The following SERF2 variants were observed in gnomAD, a reference collection of about 807,000 sequenced individuals.
The protein encoded by SERF2 is gastric cancer-related protein VRG107.
SERF2 carries 4 observed loss-of-function variants against 10.7 expected under a neutral mutation model. The ratio of observed to expected loss-of-function variants is 0.37; its 90% confidence interval spans 0.18 to 0.86. The LOEUF is 0.86. Among genes scored for constraint, SERF2 ranks in the 40% least tolerant of loss-of-function variants. SERF2 has a pLI of 0.43. For missense variants in SERF2, 47 were observed against 79.1 expected (o/e 0.59, Z 1.54); for synonymous variants, 26 against 26.0 (o/e 1.00, Z 0.01).
At position 43,794,884 on chromosome 15, in the gene SERF2, G is replaced by T. The variant is rs2087165880; in HGVS notation, c.*1111G>T. ...CTTCCAGTTCATAGTATTGACTTCA[G>T]CCCAAACGGAGATAACTCCCTGTGT... On this transcript the variant is annotated 3_prime_UTR_variant, in exon 3 of 3. Coordinates refer to ENST00000249786, the MANE Select transcript of SERF2 (RefSeq NM_001018108.4). 2 of 793,294 alleles carry T rather than the reference G, an allele frequency of 2.5e-6. No homozygotes were observed. The highest frequency in any genetic ancestry group is 1.7e-5 in the South Asian group (1 of 60,056). The allele number at this position is 793,294 out of a possible 1,614,324, so 49.1% of individuals were successfully genotyped here. A position where few individuals can be genotyped will look rare whatever the true frequency, so the allele number is the denominator to read the frequency against.
intron 1 of SERF2, 169 bp downstream of exon 1, chr15:43,792,552 G>T: frequency 6.7e-7 from 1 of 1,493,466 alleles, no homozygotes; most frequent in Non-Finnish European, 8.9e-7. Context: ...CTTTGCCCAC[G>T]GCTACTTCAC....
upstream of SERF2, chr15:43,791,997 A>G (rs1359381861): frequency 2.8e-6 from 1 of 357,868 alleles, no homozygotes; most frequent in Non-Finnish European, 5.4e-6. Context: ...CAGTACCCCA[A>G]ACTGTCCCCG....
chr15:43,780,367 C>A (rs1021774091), intron 1 of SERF2, among the ~76,000 whole-genome samples: 1 of 152,134 alleles, frequency 6.6e-6, no homozygotes, highest in Admixed American at 6.6e-5. Flanking sequence ...TGGTCTCGAT[C>A]TCCTGACCTC....
chr15:43,784,699 G>T (rs529510383), intron 1 of SERF2, among the ~76,000 whole-genome samples: 1 of 151,664 alleles, frequency 6.6e-6, no homozygotes, highest in Non-Finnish European at 1.5e-5. Flanking sequence ...CTCGTGATCC[G>T]CCTGCCTCAG....
intron 2 of SERF2, among the ~76,000 whole-genome samples, chr15:43,785,704 CTTTTTTTTTTT>C (rs71415810): frequency 8.2e-6 from 1 of 122,676 alleles, no homozygotes; most frequent in Non-Finnish European, 1.7e-5. Flanking sequence ...TTTTCTTTTT[CTTTTTTTTTTT>C]TTTTTTTTGA....
rs772863927 is a variant in SERF2 at position 43,795,542 on chromosome 15, CT to C, written c.*1770del. ...GGCCTCGCAGCCCCACCCCTTTGCCCTGGAGAGAGGAAATGGCTGCTGGGAG... is the reference window on the plus strand; with the variant it reads ...GGCCTCGCAGCCCCACCCCTTTGCCCGGAGAGAGGAAATGGCTGCTGGGAG... On this transcript the variant is annotated 3_prime_UTR_variant, in exon 3 of 3. Transcript: ENST00000249786. 6.2e-7 allele frequency: 1 copy of C among 1,614,148 alleles called. No individual in the cohort carries two copies. Among genetic ancestry groups the C allele is most frequent in the East Asian group, 2.2e-5 (1 of 44,886 alleles).
chr15:43,792,770 C>T, intron 1 of SERF2: 2 of 701,376 alleles, frequency 2.9e-6, no homozygotes, highest in Non-Finnish European at 4.6e-6. Context: ...TTGGGACCTC[C>T]CTTCTCTAGT....
At chr15:43,790,119 G>A (rs1339943043), upstream of SERF2, among the ~76,000 whole-genome samples, 1 of 149,478 alleles carries the variant, frequency 6.7e-6, no homozygotes. Context: ...TCCAACCTGG[G>A]CGACAGAGCA....
chr15:43,777,698 G>A (rs1233377493), intron 1 of SERF2, among the ~76,000 whole-genome samples: 1 of 152,176 alleles, frequency 6.6e-6, no homozygotes, highest in African/African-American at 2.4e-5. Context: ...CCCTGAGGAG[G>A]GCCAGGAGCT....
At chr15:43,782,615 C>T (rs546286654) in intron 1 of SERF2, among the ~76,000 whole-genome samples, 6 of 152,266 alleles carry the variant, frequency 3.9e-5, no homozygotes, top group South Asian at 2.1e-4. Flanking sequence ...TTCTCTAGGT[C>T]GGCTGCAAAG....
Position 43,793,946 on chromosome 15 carries a change from C to A in SERF2, c.*173C>A, listed in dbSNP as rs773514291. 18 of 1,552,512 alleles carry A rather than the reference C, an allele frequency of 1.2e-5. No homozygotes were observed. The African/African-American group carries it at 2.0e-4, about 18-fold the overall frequency. On this transcript the variant is annotated 3_prime_UTR_variant, in exon 3 of 3. Transcript: ENST00000249786. ...GCTTCCTTCCCCTCAGGTAGCCTCT[C>A]TCCCCCTGGGCCACTCCCGGGGGTG...
intron 2 of SERF2, among the ~76,000 whole-genome samples, chr15:43,785,698 C>CTTTT (rs2087000810): frequency 7.5e-6 from 1 of 134,084 alleles, no homozygotes; most frequent in Non-Finnish European, 1.6e-5. Context: ...ACTGAATTTT[C>CTTTT]TTTTTCTTTT....
At chr15:43,784,398 T>C (rs2086988443) in intron 1 of SERF2, among the ~76,000 whole-genome samples, 1 of 152,166 alleles carries the variant, frequency 6.6e-6, no homozygotes. Flanking sequence ...TGTAGAGCTT[T>C]TCTCATTTCT....
chr15:43,795,485 C>T lies in SERF2; in HGVS notation c.*1712C>T, dbSNP rs768321884. 2.5e-6 allele frequency: 4 copies of T among 1,614,184 alleles called. No individual in the cohort carries two copies. The South Asian group carries it at 3.3e-5, about 13-fold the overall frequency. On this transcript the variant is annotated 3_prime_UTR_variant, in exon 3 of 3. Transcript: ENST00000249786. ...TTGTAGGAAAGATGCTGGACTTGGA[C>T]TGGAGGAGCTGGAGGGGTTTCTTGG...
Position 43,792,414 on chromosome 15 carries a change from T to C in SERF2, c.7+31T>C, listed in dbSNP as rs1555457876. ...CACCGAGCCCCCTTCTCCTTGCCCT[T>C]TTCTTTCCGTTCACCCTAAACACCA... On this transcript the variant is annotated intron_variant, in intron 1 of 2. Coordinates refer to ENST00000249786, the MANE Select transcript of SERF2 (RefSeq NM_001018108.4). The C allele has an allele frequency of 1.1e-4, 172 of 1,613,724 alleles. 1 individual carries two copies. In the South Asian group the frequency reaches 1.8e-3, roughly 17 times the overall value.
At position 43,794,778 on chromosome 15, in the gene SERF2, C is replaced by G. The variant is rs567095907; in HGVS notation, c.*1005C>G. 5 of 515,420 alleles carry G rather than the reference C, an allele frequency of 9.7e-6. No individual in the cohort carries two copies. The East Asian group carries it at 1.2e-4, about 13-fold the overall frequency. 31.9% of individuals were successfully genotyped at this position (515,420 alleles called of 1,614,324 possible). A position where few individuals can be genotyped will look rare whatever the true frequency, so the allele number is the denominator to read the frequency against. On this transcript the variant is annotated 3_prime_UTR_variant, in exon 3 of 3. Transcript: ENST00000249786. ...GAGCTGCTGATTTGGGTGTTAGGCT[C>G]TTGAGCTGGGATGCAGATGTAACAG...
chr15:43,785,605 C>CTATTGTATAGTTTAT (rs2087000209), intron 2 of SERF2: 2 of 151,950 alleles, frequency 1.3e-5, no homozygotes, highest in Admixed American at 1.3e-4. Context: ...GTTCAATACC[C>CTATTGTATAGTTTAT]TCTCTCAAAG....
In SERF2 at chr15:43,795,725, CAGTG is replaced by C. The variant is rs752634344; in HGVS notation, c.*1955_*1958del. 1.1e-5 allele frequency: 17 copies of C among 1,613,984 alleles called. No homozygotes were observed. Among genetic ancestry groups the C allele is most frequent in the Admixed American group, 1.7e-5 (1 of 59,990 alleles). On this transcript the variant is annotated 3_prime_UTR_variant, in exon 3 of 3. Transcript: ENST00000249786. The stretch of plus-strand genomic sequence containing the variant: ...CCACTGTTTCAGGGCAGCAGAAACA[CAGTG>C]AGGGCTTCTGCAAAACAGAACGCAG...
intron 2 of SERF2, among the ~76,000 whole-genome samples, chr15:43,786,211 C>T (rs369697166): frequency 3.3e-5 from 5 of 151,110 alleles, no homozygotes; most frequent in African/African-American, 9.7e-5. Flanking sequence ...GTCAGGAGGT[C>T]GAGACCATCC....
Sources: allele counts gnomAD v4.1 joint callset (sites outside exome capture counted in the v4.1 genomes callset), GRCh38; gene constraint gnomAD v4.1.1; transcripts MANE v1.5; gene names NCBI Gene and HGNC (gene_info 2026-07-23, HGNC 2026-07-21).